PRICKLE1: variants seen among roughly 807,000 people sequenced by gnomAD.
PRICKLE1 encodes the protein prickle-like protein 1.
Under a neutral mutation model 70.2 loss-of-function variants are expected in PRICKLE1, and 14 were observed. The ratio of observed to expected loss-of-function variants is 0.20; its 90% CI spans 0.13 to 0.31. The LOEUF is 0.31. PRICKLE1 is among the 10% of genes least tolerant of loss of function. PRICKLE1 has a pLI of 1.00. For missense variants in PRICKLE1, 821 were observed against 1,026.2 expected (o/e 0.80, Z 2.73); for synonymous variants, 357 against 379.9 (o/e 0.94, Z 0.70).
chr12:42,537,939 T>C (rs968571120), intron 1 of PRICKLE1, among the ~76,000 whole-genome samples: 2 of 152,158 alleles, frequency 1.3e-5, no homozygotes, highest in Non-Finnish European at 2.9e-5. Context: ...ATAACAAAAC[T>C]GAGGCAAAGG....
intron 1 of PRICKLE1, among the ~76,000 whole-genome samples, chr12:42,525,798 G>C (rs1203148308): frequency 2.0e-5 from 3 of 151,822 alleles, no homozygotes; most frequent in Non-Finnish European, 4.4e-5. Flanking sequence ...AAAACTGAGG[G>C]AACAGAACCA....
At chr12:42,467,204 C>T (rs1186981763) in intron 5 of PRICKLE1, among the ~76,000 whole-genome samples, 2 of 152,046 alleles carry the variant, frequency 1.3e-5, no homozygotes, top group African/African-American at 4.8e-5. Context: ...CAACCTCCGC[C>T]TCCTGGGGTT....
intron 1 of PRICKLE1, among the ~76,000 whole-genome samples, chr12:42,490,177 T>C (rs2140169559): frequency 6.6e-6 from 1 of 152,322 alleles, no homozygotes; most frequent in East Asian, 1.9e-4. Flanking sequence ...TAAAAGGAAA[T>C]ATTGATACGT....
At chr12:42,510,943 A>C (rs1313066995) in intron 1 of PRICKLE1, among the ~76,000 whole-genome samples, 4 of 152,250 alleles carry the variant, frequency 2.6e-5, no homozygotes, top group African/African-American at 4.8e-5. Flanking sequence ...AAGTCTTATC[A>C]GCTGGCTCTT....
chr12:42,500,565 T>C (rs1939288524), intron 1 of PRICKLE1, among the ~76,000 whole-genome samples: 1 of 152,176 alleles, frequency 6.6e-6, no homozygotes, highest in East Asian at 1.9e-4. Context: ...TCACATGATA[T>C]CCTGAAGGCA....
intron 1 of PRICKLE1, among the ~76,000 whole-genome samples, chr12:42,571,892 T>C (rs780174364): frequency 3.9e-5 from 6 of 152,296 alleles, no homozygotes; most frequent in Middle Eastern, 3.4e-3. Flanking sequence ...TTCTTTTCCT[T>C]TTACCCATCA....
chr12:42,465,265 T>A lies in PRICKLE1; in HGVS notation c.776-7A>T. On this transcript the variant is annotated splice_region_variant and splice_polypyrimidine_tract_variant and intron_variant, in intron 6 of 7. Coordinates refer to ENST00000345127, the MANE Select transcript of PRICKLE1 (RefSeq NM_153026.3). ...ATCTGTGCATGGTCCACACCTGTTTTGAAAAGGATAGAATAAATAACAGGT... is the reference window on the plus strand; with the variant it reads ...ATCTGTGCATGGTCCACACCTGTTTAGAAAAGGATAGAATAAATAACAGGT... 6.2e-7 allele frequency: 1 copy of A among 1,613,942 alleles called. No homozygotes were observed. The highest frequency in any genetic ancestry group is 8.5e-7 in the Non-Finnish European group (1 of 1,179,956).
chr12:42,514,143 G>A (rs1032399078), intron 1 of PRICKLE1, among the ~76,000 whole-genome samples: 7 of 152,112 alleles, frequency 4.6e-5, no homozygotes, highest in Non-Finnish European at 8.8e-5. Flanking sequence ...AAAATCCTTT[G>A]AGGCATCATC....
chr12:42,559,634 TTTGG>T (rs1566126397), intron 1 of PRICKLE1, among the ~76,000 whole-genome samples: 10 of 111,394 alleles, frequency 9.0e-5, no homozygotes, highest in African/African-American at 3.5e-4. Flanking sequence ...ATTTTTTTTT[TTTGG>T]GGGGGGTAGA....
chr12:42,480,324 A>T (rs1938748404), intron 1 of PRICKLE1, among the ~76,000 whole-genome samples: 1 of 152,196 alleles, frequency 6.6e-6, no homozygotes, highest in Non-Finnish European at 1.5e-5. Flanking sequence ...AGCTGGGCAT[A>T]TGCCTATACT....
At chr12:42,525,854 A>T (rs1455921418) in intron 1 of PRICKLE1, among the ~76,000 whole-genome samples, 1 of 152,168 alleles carries the variant, frequency 6.6e-6, no homozygotes, top group Non-Finnish European at 1.5e-5. Context: ...GTGATAATAC[A>T]TACAAAGCAC....
At chr12:42,477,954 AC>A (rs1198120970) in intron 1 of PRICKLE1, among the ~76,000 whole-genome samples, 1 of 119,076 alleles carries the variant, frequency 8.4e-6, no homozygotes, top group African/African-American at 3.8e-5. Flanking sequence ...CCTGCCCTAT[AC>A]TTTTTTTTTT....
chr12:42,494,010 T>C (rs988882094), intron 1 of PRICKLE1, among the ~76,000 whole-genome samples: 5 of 152,236 alleles, frequency 3.3e-5, no homozygotes, highest in Non-Finnish European at 5.9e-5. Flanking sequence ...TCCCAGTGCA[T>C]AGAAAAGTTA....
intron 1 of PRICKLE1, among the ~76,000 whole-genome samples, chr12:42,479,725 G>A (rs2140147894): frequency 6.6e-6 from 1 of 152,294 alleles, no homozygotes; most frequent in Non-Finnish European, 1.5e-5. Context: ...AGAGGCTAAG[G>A]TGGGTGGATT....
intron 1 of PRICKLE1, among the ~76,000 whole-genome samples, chr12:42,478,897 A>G (rs764468557): frequency 6.6e-6 from 1 of 152,274 alleles, no homozygotes; most frequent in Non-Finnish European, 1.5e-5. Flanking sequence ...CAGATGTAAG[A>G]CTTCTCAATC....
chr12:42,487,856 G>C (rs1289805304), intron 1 of PRICKLE1, among the ~76,000 whole-genome samples: 1 of 152,114 alleles, frequency 6.6e-6, no homozygotes, highest in Non-Finnish European at 1.5e-5. Context: ...GACCAGCCTG[G>C]CCAGCATGAT....
rs2140105847 is a variant in PRICKLE1, at chr12:42,466,237, C to T, written c.732G>A (p.Glu244=). The T allele has an allele frequency of 6.2e-7, 1 of 1,614,172 alleles. No homozygotes were observed. The highest frequency in any genetic ancestry group is 1.3e-5 in the African/African-American group (1 of 75,030). Residue 244 remains glutamate, a synonymous_variant, in exon 6 of 8, where the codon GAG becomes GAA. Transcript: ENST00000345127. ...TTTCACAGTACTCCGCATAGAGAGA[C>T]TCAAAACAGCCACAGCAGAAGGGGC... ...DGRPFCCGCF[E]SLYAEYCETC... is the part of the protein sequence containing the mutation.
chr12:42,553,136 G>A (rs1329575018), intron 1 of PRICKLE1, among the ~76,000 whole-genome samples: 1 of 152,078 alleles, frequency 6.6e-6, no homozygotes, highest in African/African-American at 2.4e-5. Flanking sequence ...GTCATCCCCA[G>A]GTTCTTAAAT....
intron 1 of PRICKLE1, chr12:42,584,211 A>G (rs954276278): frequency 1.3e-5 from 2 of 152,138 alleles, no homozygotes; most frequent in Admixed American, 6.5e-5. Flanking sequence ...TTCTTTTATA[A>G]CACCTCTTCA....
Sources: gnomAD v4.1 joint callset for allele counts (sites outside exome capture counted in the v4.1 genomes callset) on GRCh38, gnomAD v4.1.1 for gene constraint, MANE v1.5 for transcripts, NCBI Gene and HGNC (gene_info 2026-07-23, HGNC 2026-07-21) for gene names.